UNC13C: variants seen among roughly 807,000 people sequenced by gnomAD.
The protein encoded by UNC13C is unc-13 homolog C.
UNC13C carries 174 observed loss-of-function variants against 245.4 expected under a neutral mutation model. That is an observed-to-expected ratio of 0.71 (90% CI 0.63 to 0.80). UNC13C has a LOEUF of 0.80. Ranked by LOEUF, UNC13C falls within the 30% of genes least tolerant of loss-of-function variation. The pLI is 0.00. For synonymous variants in UNC13C, 992 were observed against 895.1 expected (o/e 1.11, Z -1.93); for missense variants, 2,829 against 2,602.9 (o/e 1.09, Z -1.89).
At chr15:54,082,747 A>AT (rs1478005703) in intron 2 of UNC13C, among the ~76,000 whole-genome samples, 1 of 151,868 alleles carries the variant, frequency 6.6e-6, no homozygotes, top group Non-Finnish European at 1.5e-5. Flanking sequence ...ACTGTTTTTA[A>AT]TTTTTTATCT....
At chr15:53,957,926 A>G in the UNC13C span, among the ~76,000 whole-genome samples, 2 of 152,202 alleles carry the variant, frequency 1.3e-5, no homozygotes, top group African/African-American at 4.8e-5. Context: ...AGCAAAAGAT[A>G]TATTTAATGA....
chr15:54,068,058 T>G (rs747016034), intron 2 of UNC13C, among the ~76,000 whole-genome samples: 6 of 152,160 alleles, frequency 3.9e-5, no homozygotes, highest in Non-Finnish European at 8.8e-5. Flanking sequence ...AAATTTCCCA[T>G]CCCTTCAATT....
the UNC13C span, among the ~76,000 whole-genome samples, chr15:53,968,497 G>A: frequency 3.3e-5 from 5 of 152,128 alleles, no homozygotes; most frequent in African/African-American, 1.2e-4. Context: ...TATATTGGGT[G>A]ACAAAGGAAA....
intron 8 of UNC13C, among the ~76,000 whole-genome samples, chr15:54,252,509 A>C (rs2036178281): frequency 6.6e-6 from 1 of 151,962 alleles, no homozygotes; most frequent in Non-Finnish European, 1.5e-5. Context: ...TAAAATTGAC[A>C]CTCTCATATT....
intron 10 of UNC13C, among the ~76,000 whole-genome samples, chr15:54,276,165 T>C (rs2036826839): frequency 6.6e-6 from 1 of 152,224 alleles, no homozygotes; most frequent in East Asian, 1.9e-4. Flanking sequence ...ACAAAGAATC[T>C]CAAAGGAACT....
chr15:54,237,290 G>A (rs1039239706), intron 6 of UNC13C, among the ~76,000 whole-genome samples: 7 of 152,146 alleles, frequency 4.6e-5, no homozygotes, highest in African/African-American at 1.2e-4. Flanking sequence ...ACCACCTTGA[G>A]GAATAAGAAA....
chr15:54,365,229 C>G (rs1431761039), intron 17 of UNC13C, among the ~76,000 whole-genome samples: 2 of 152,092 alleles, frequency 1.3e-5, no homozygotes, highest in South Asian at 2.1e-4. Context: ...CTCTGTATAA[C>G]TCTTCCCCTT....
intron 7 of UNC13C, among the ~76,000 whole-genome samples, chr15:54,239,990 C>G (rs1464178920): frequency 1.3e-5 from 2 of 152,056 alleles, no homozygotes; most frequent in Non-Finnish European, 2.9e-5. Context: ...CTATGAATAC[C>G]AATTCATTTG....
chr15:53,990,021 T>C (rs1166834715), intron 1 of UNC13C, among the ~76,000 whole-genome samples: 1 of 152,018 alleles, frequency 6.6e-6, no homozygotes, highest in East Asian at 1.9e-4. Flanking sequence ...GCTTACTTAC[T>C]TGAGGCAAAA....
At chr15:54,040,344 C>T (rs572159530) in intron 2 of UNC13C, among the ~76,000 whole-genome samples, 1 of 152,170 alleles carries the variant, frequency 6.6e-6, no homozygotes, top group South Asian at 2.1e-4. Flanking sequence ...ACTTAAGAAC[C>T]CTGACCTTGC....
chr15:54,150,953 G>A (rs981221140), intron 4 of UNC13C, among the ~76,000 whole-genome samples: 2 of 152,282 alleles, frequency 1.3e-5, no homozygotes, highest in Middle Eastern at 3.4e-3. Flanking sequence ...AACTGACTCA[G>A]AAGATTAAGA....
chr15:54,453,006 A>G (rs938597940), intron 19 of UNC13C, among the ~76,000 whole-genome samples: 2 of 152,226 alleles, frequency 1.3e-5, no homozygotes, highest in Admixed American at 6.5e-5. Context: ...CCAGGACAGG[A>G]TGCATTCTGG....
At chr15:54,455,937 C>A (rs1891496987) in intron 19 of UNC13C, among the ~76,000 whole-genome samples, 1 of 152,008 alleles carries the variant, frequency 6.6e-6, no homozygotes, top group African/African-American at 2.4e-5. Context: ...GTCATGAACT[C>A]TTTGTTCGTC....
intron 13 of UNC13C, among the ~76,000 whole-genome samples, chr15:54,309,195 A>G (rs1461564856): frequency 3.3e-5 from 5 of 151,816 alleles, no homozygotes; most frequent in African/African-American, 1.2e-4. Flanking sequence ...GGTAATAGCC[A>G]TTCCAATAGG....
intron 30 of UNC13C, among the ~76,000 whole-genome samples, chr15:54,619,418 A>C (rs1900657160): frequency 6.6e-6 from 1 of 152,172 alleles, no homozygotes; most frequent in South Asian, 2.1e-4. Flanking sequence ...TTTCCTGGCC[A>C]AGTCCATCTT....
intron 2 of UNC13C, chr15:54,050,450 C>G: frequency 3.6e-6 from 2 of 553,524 alleles, no homozygotes; most frequent in East Asian, 4.8e-5. Context: ...GCTTGCTGAG[C>G]TAAAGTTGAT....
the UNC13C span, among the ~76,000 whole-genome samples, chr15:53,859,767 C>A: frequency 1.4e-4 from 21 of 152,160 alleles, no homozygotes; most frequent in Non-Finnish European, 2.9e-4. Flanking sequence ...TTTTATCTCC[C>A]TGGCCAGATT....
At chr15:53,847,265 G>A in the UNC13C span, among the ~76,000 whole-genome samples, 1 of 151,968 alleles carries the variant, frequency 6.6e-6, no homozygotes, top group East Asian at 1.9e-4. Context: ...TTACCAATTT[G>A]TATATCAAGA....
intron 10 of UNC13C, among the ~76,000 whole-genome samples, chr15:54,292,422 T>G (rs1365903375): frequency 6.6e-6 from 1 of 151,888 alleles, no homozygotes; most frequent in Non-Finnish European, 1.5e-5. Context: ...TCCCAGAAAT[T>G]AGTAAAATGC....
Sources: allele counts gnomAD v4.1 joint callset (sites outside exome capture counted in the v4.1 genomes callset), GRCh38; gene constraint gnomAD v4.1.1; transcripts MANE v1.5; gene names NCBI Gene and HGNC (gene_info 2026-07-23, HGNC 2026-07-21).